The following CSPP1 variants were observed in gnomAD, a reference collection of about 807,000 sequenced individuals.
CSPP1 encodes centrosome and spindle pole-associated protein 1.
In CSPP1, 126 loss-of-function variants were observed where a neutral mutation model predicts 164.4. The ratio of observed to expected loss-of-function variants is 0.77; its 90% CI spans 0.66 to 0.89. CSPP1 has a LOEUF of 0.89. Among genes scored for constraint, CSPP1 ranks in the 40% least tolerant of loss-of-function variants. CSPP1 has a pLI of 0.00. For synonymous variants in CSPP1, 472 were observed against 476.7 expected (o/e 0.99, Z 0.13); for missense variants, 1,395 against 1,449.8 (o/e 0.96, Z 0.61).
intron 19 of CSPP1, among the ~76,000 whole-genome samples, chr8:67,156,869 G>A (rs759102031): frequency 2.0e-5 from 3 of 152,184 alleles, no homozygotes; most frequent in Admixed American, 1.3e-4. Flanking sequence ...GAACTCTGAA[G>A]CATTTTTGTG....
At chr8:67,167,746 G>A (rs1286597544) in intron 24 of CSPP1, among the ~76,000 whole-genome samples, 9 of 151,494 alleles carry the variant, frequency 5.9e-5, no homozygotes, top group South Asian at 4.2e-4. Flanking sequence ...ATGGGCAGCC[G>A]GGCAGAGACG....
In CSPP1 at chr8:67,064,522, G is replaced by A; in HGVS notation, c.-27G>A. On this transcript the variant is annotated 5_prime_UTR_variant, in exon 1 of 31. Coordinates refer to ENST00000678616, the MANE Select transcript of CSPP1 (RefSeq NM_001382391.1). Reference sequence around the variant, plus strand: ...GTAAGAGTCAGCCAGCCGCGGATGGGGAGCGTGAGTGGCGAGGTGTGGCCT... The same window carrying A: ...GTAAGAGTCAGCCAGCCGCGGATGGAGAGCGTGAGTGGCGAGGTGTGGCCT... 2 of 1,611,944 alleles carry A rather than the reference G, an allele frequency of 1.2e-6. No homozygotes were observed. Among genetic ancestry groups the A allele is most frequent in the Non-Finnish European group, 1.7e-6 (2 of 1,179,404 alleles).
chr8:67,107,323 T>TAGGCGTG (rs1421908924), intron 9 of CSPP1, among the ~76,000 whole-genome samples: 2 of 152,142 alleles, frequency 1.3e-5, no homozygotes, highest in Non-Finnish European at 2.9e-5. Context: ...GCTGGGATTA[T>TAGGCGTG]AGGCGTGAGC....
intron 27 of CSPP1, among the ~76,000 whole-genome samples, chr8:67,178,742 T>C (rs926270185): frequency 1.3e-5 from 2 of 151,846 alleles, no homozygotes; most frequent in Non-Finnish European, 2.9e-5. Context: ...GCCTAGTGCA[T>C]GTAAGGAGCA....
chr8:67,127,538 G>A (rs770245909), intron 15 of CSPP1, among the ~76,000 whole-genome samples: 2 of 152,138 alleles, frequency 1.3e-5, no homozygotes, highest in South Asian at 4.1e-4. Flanking sequence ...AGAATAGTAC[G>A]CAGGGCTTTG....
At chr8:67,157,467 T>G (rs1826897085) in intron 19 of CSPP1, among the ~76,000 whole-genome samples, 1 of 152,078 alleles carries the variant, frequency 6.6e-6, no homozygotes, top group Non-Finnish European at 1.5e-5. Flanking sequence ...GGCTAATTTT[T>G]GTATTTTTAG....
At chr8:67,132,611 G>A (rs1821456750) in intron 16 of CSPP1, among the ~76,000 whole-genome samples, 1 of 152,194 alleles carries the variant, frequency 6.6e-6, no homozygotes, top group Non-Finnish European at 1.5e-5. Context: ...AGGAGGTGAT[G>A]AGGCCCTGAA....
chr8:67,071,150 C>G (rs1806693679), intron 1 of CSPP1, among the ~76,000 whole-genome samples: 1 of 152,086 alleles, frequency 6.6e-6, no homozygotes, highest in African/African-American at 2.4e-5. Flanking sequence ...TCAACATATT[C>G]TTTTAGGTAA....
intron 17 of CSPP1, among the ~76,000 whole-genome samples, chr8:67,141,749 AGG>A (rs1823553863): frequency 6.6e-6 from 1 of 152,182 alleles, no homozygotes; most frequent in African/African-American, 2.4e-5. Context: ...TCCTGACCTG[AGG>A]TGATCCATCC....
intron 28 of CSPP1, among the ~76,000 whole-genome samples, chr8:67,185,153 A>C (rs964167747): frequency 6.6e-6 from 1 of 151,842 alleles, no homozygotes; most frequent in Non-Finnish European, 1.5e-5. Context: ...AAAACACAAC[A>C]TAGTCCAAGA....
intron 21 of CSPP1, among the ~76,000 whole-genome samples, chr8:67,159,789 T>A (rs1379784238): frequency 6.6e-6 from 1 of 151,116 alleles, no homozygotes; most frequent in Non-Finnish European, 1.5e-5. Context: ...CCCAGAGTGC[T>A]GAGATTACAG....
intron 1 of CSPP1, among the ~76,000 whole-genome samples, chr8:67,066,982 C>T (rs549187063): frequency 1.8e-4 from 28 of 152,310 alleles, no homozygotes; most frequent in African/African-American, 5.3e-4. Flanking sequence ...TCTCAAACTC[C>T]TGACCTCAAG....
At position 67,196,540 on chromosome 8, in the gene CSPP1, A is replaced by ACTT. The variant is rs1330505175; in HGVS notation, c.*949_*951dup. 1.3e-5 allele frequency among the ~76,000 whole-genome samples: 2 copies of ACTT among 152,190 alleles called. No homozygotes were observed. Among genetic ancestry groups the ACTT allele is most frequent in the African/African-American group, 4.8e-5 (2 of 41,442 alleles). ...AGGCACTGCTTCTCTCTCTAATAATACTTCCTCTGATGTAATTAACGGTTG... is the reference window on the plus strand; with the variant it reads ...AGGCACTGCTTCTCTCTCTAATAATACTTCTTCCTCTGATGTAATTAACGGTTG... On this transcript the variant is annotated 3_prime_UTR_variant, in exon 31 of 31. Transcript: ENST00000678616.
At chr8:67,073,557 G>C (rs1489458100) in intron 1 of CSPP1, among the ~76,000 whole-genome samples, 2 of 152,082 alleles carry the variant, frequency 1.3e-5, no homozygotes, top group African/African-American at 4.8e-5. Context: ...AGAAAAATAG[G>C]CTGTAAAGGC....
At chr8:67,064,375 G>T, upstream of CSPP1, 1 of 1,609,148 alleles carries the variant, frequency 6.2e-7, no homozygotes, top group Non-Finnish European at 8.5e-7. Flanking sequence ...CCTGAGGGGC[G>T]GAGCCCCGGC....
At chr8:67,179,290 T>A (rs1487675704) in intron 27 of CSPP1, among the ~76,000 whole-genome samples, 1 of 152,218 alleles carries the variant, frequency 6.6e-6, no homozygotes, top group East Asian at 1.9e-4. Context: ...ATATCTGTGC[T>A]GCATCATTGT....
chr8:67,186,579 ACAT>A (rs1834672585), intron 28 of CSPP1, among the ~76,000 whole-genome samples: 1 of 152,220 alleles, frequency 6.6e-6, no homozygotes, highest in African/African-American at 2.4e-5. Context: ...CCTACAGCTA[ACAT>A]CATAATGATG....
chr8:67,195,717 A>G lies in CSPP1; in HGVS notation c.*124A>G, dbSNP rs988656315. 2.9e-6 allele frequency: 2 copies of G among 692,782 alleles called. No individual in the cohort carries two copies. Among genetic ancestry groups the G allele is most frequent in the Non-Finnish European group, 4.9e-6 (2 of 406,438 alleles). The allele number at this position is 692,782 out of a possible 1,614,324, so 42.9% of individuals were successfully genotyped here. A position where few individuals can be genotyped will look rare whatever the true frequency, so the allele number is the denominator to read the frequency against. ...ACTTTTTTTCCATCATCTGTATATA[A>G]AATTATTTTTATCATGATGTATATT... On this transcript the variant is annotated 3_prime_UTR_variant, in exon 31 of 31. Coordinates refer to ENST00000678616, the MANE Select transcript of CSPP1 (RefSeq NM_001382391.1).
chr8:67,140,235 C>T (rs1257670855), intron 17 of CSPP1, among the ~76,000 whole-genome samples: 1 of 152,098 alleles, frequency 6.6e-6, no homozygotes, highest in Non-Finnish European at 1.5e-5. Flanking sequence ...TAGGCATGCA[C>T]CACCACACCC....
Sources: allele counts gnomAD v4.1 joint callset (sites outside exome capture counted in the v4.1 genomes callset), GRCh38; gene constraint gnomAD v4.1.1; transcripts MANE v1.5; gene names NCBI Gene and HGNC (gene_info 2026-07-23, HGNC 2026-07-21).